The following SDK2 variants were observed in gnomAD, a reference collection of about 807,000 sequenced individuals.
The protein encoded by SDK2 is sidekick cell adhesion molecule 2.
Under a neutral mutation model 253.9 loss-of-function variants are expected in SDK2, and 105 were observed. The ratio of observed to expected loss-of-function variants is 0.41; its 90% CI spans 0.35 to 0.49. SDK2 has a LOEUF of 0.49. Among genes scored for constraint, SDK2 ranks in the 20% least tolerant of loss-of-function variants. The pLI is 0.06. For missense variants in SDK2, 2,608 were observed against 3,003.0 expected, an observed-to-expected ratio of 0.87 and a Z score of 3.07; for synonymous variants, 1,249 against 1,234.9, an observed-to-expected ratio of 1.01 and a Z score of -0.24.
At chr17:73,588,207 C>CCCCA (rs370190252) in intron 1 of SDK2, among the ~76,000 whole-genome samples, 1 of 142,634 alleles carries the variant, frequency 7.0e-6, no homozygotes, top group African/African-American at 2.7e-5. Flanking sequence ...ACCCCCCCCC[C>CCCCA]TCCCCCGCCA....
At chr17:73,493,276 G>A (rs898077757) in intron 2 of SDK2, among the ~76,000 whole-genome samples, 2 of 152,200 alleles carry the variant, frequency 1.3e-5, no homozygotes, top group African/African-American at 4.8e-5. Context: ...TTTCCTTGTG[G>A]TGGAAATAAA....
intron 1 of SDK2, among the ~76,000 whole-genome samples, chr17:73,628,812 T>C (rs996584554): frequency 6.6e-6 from 1 of 152,168 alleles, no homozygotes; most frequent in Non-Finnish European, 1.5e-5. Context: ...AGAGGAAGTG[T>C]GGCCCCCTTC....
chr17:73,569,494 G>A (rs1304114488), intron 1 of SDK2, among the ~76,000 whole-genome samples: 4 of 151,852 alleles, frequency 2.6e-5, no homozygotes, highest in South Asian at 2.1e-4. Flanking sequence ...CACCGTGCTG[G>A]GCCCCATGTT....
At chr17:73,507,733 G>A (rs976089783) in intron 1 of SDK2, 136 bp from the exon 2 acceptor site, 19 of 931,618 alleles carry the variant, frequency 2.0e-5, no homozygotes, top group South Asian at 3.6e-5. Flanking sequence ...GTGGCTGGGA[G>A]GGACTTGAAC....
intron 39 of SDK2, among the ~76,000 whole-genome samples, chr17:73,359,653 T>A (rs891477417): frequency 6.6e-6 from 1 of 152,172 alleles, no homozygotes; most frequent in African/African-American, 2.4e-5. Context: ...GGCTTCTTTA[T>A]TTCTTTTTTT....
intron 1 of SDK2, among the ~76,000 whole-genome samples, chr17:73,613,570 G>A (rs941478799): frequency 2.0e-5 from 3 of 151,368 alleles, no homozygotes; most frequent in South Asian, 2.1e-4. Flanking sequence ...TTCTGAAATC[G>A]GAGCCACTGT....
At chr17:73,388,770 CTCTCCTTCCT>C (rs1423876633) in intron 29 of SDK2, among the ~76,000 whole-genome samples, 5 of 87,862 alleles carry the variant, frequency 5.7e-5, no homozygotes, top group Non-Finnish European at 8.6e-5. Context: ...CCTTCCCTCC[CTCTCCTTCCT>C]TCCTTCCTTC....
chr17:73,355,174 A>ATATATATATATATATAT, intron 40 of SDK2, among the ~76,000 whole-genome samples: 1 of 47,236 alleles, frequency 2.1e-5, no homozygotes, highest in Non-Finnish European at 3.4e-5. Context: ...ATATATATAT[A>ATATATATATATATATAT]TTTTTTTTTT....
chr17:73,383,907 G>T lies in SDK2; in HGVS notation c.4674C>A (p.Asn1558Lys), dbSNP rs976677346. The T allele has an allele frequency of 7.4e-6, 12 of 1,613,862 alleles. No homozygotes were observed. In the Admixed American group the frequency reaches 1.2e-4, roughly 16 times the overall value. The change falls in exon 33 of 45, where the codon AAC becomes AAA. Residue 1558 changes from asparagine to lysine, a missense_variant. By Grantham distance (94) the Asn-to-Lys change is moderately conservative. Transcript: ENST00000392650. This position sits in a 1 kb window ranked among gnomAD's most constrained non-coding sequence, Gnocchi z 4.3. ...GCTCAGCCCATGTGGCCCCTGGGTT[G>T]TTGATGCCTCGAAGCGTGAAGCCCC... ...GLRGFTLRGI[N>K]NPGATWAELT...
chr17:73,353,225 C>T (rs1018339605), intron 40 of SDK2, among the ~76,000 whole-genome samples: 1 of 152,112 alleles, frequency 6.6e-6, no homozygotes, highest in South Asian at 2.1e-4. Context: ...GAAACAGGCT[C>T]AAGGAATTAG....
intron 32 of SDK2, among the ~76,000 whole-genome samples, chr17:73,385,079 T>C (rs1350373198): frequency 1.3e-5 from 2 of 152,194 alleles, no homozygotes; most frequent in East Asian, 3.8e-4. Context: ...GAGTGGCAGA[T>C]GGCTGAAGGG....
At position 73,338,212 on chromosome 17, in the gene SDK2, T is replaced by G; in HGVS notation, c.*375A>C. The G allele has an allele frequency of 5.5e-6, 2 of 366,790 alleles. No homozygotes were observed. Among genetic ancestry groups the G allele is most frequent in the South Asian group, 2.1e-5 (1 of 47,180 alleles). The allele number at this position is 366,790 out of a possible 1,614,324, so 22.7% of individuals were successfully genotyped here. A position where few individuals can be genotyped will look rare whatever the true frequency, so the allele number is the denominator to read the frequency against. On this transcript the variant is annotated 3_prime_UTR_variant, in exon 45 of 45. Transcript: ENST00000392650. This position sits in a 1 kb window ranked among gnomAD's most constrained non-coding sequence, Gnocchi z 5.0. ...GCAGCTGGCTGGACATCCAGAAGCT[T>G]TTTCTTCCCTCGGCCACGCCTGCCT...
At chr17:73,483,507 GTGT>G (rs1567798772) in intron 2 of SDK2, among the ~76,000 whole-genome samples, 1 of 50,674 alleles carries the variant, frequency 2.0e-5, no homozygotes, top group Non-Finnish European at 4.2e-5. Flanking sequence ...GTGTGTGTGT[GTGT>G]ATGTGTGTGT....
chr17:73,608,009 G>T (rs2143104549), intron 1 of SDK2, among the ~76,000 whole-genome samples: 1 of 152,186 alleles, frequency 6.6e-6, no homozygotes, highest in Admixed American at 6.5e-5. Flanking sequence ...ACCAAGGAAA[G>T]AATGTGGGTC....
intron 3 of SDK2, among the ~76,000 whole-genome samples, chr17:73,468,097 G>A (rs1281472753): frequency 1.3e-5 from 2 of 152,190 alleles, no homozygotes; most frequent in Non-Finnish European, 2.9e-5. Context: ...GCTGGAACAG[G>A]GCAGGAATCC....
rs149459876 is a variant in SDK2 at position 73,477,757 on chromosome 17, C to T, written c.225-5539G>A. The stretch of plus-strand genomic sequence containing the variant: ...GGAGTCCCCTGCCTGGCACATTCCT[C>T]GGCTTCTGACCCCTCAACCTCCCAG... On this transcript the variant is annotated intron_variant, in intron 2 of 44. Coordinates refer to ENST00000392650, the MANE Select transcript of SDK2 (RefSeq NM_001144952.2). Among the ~76,000 whole-genome samples the T allele has an allele frequency of 1.4e-3, 215 of 152,280 alleles. 1 individual carries two copies. The highest frequency in any genetic ancestry group is 4.8e-3 in the African/African-American group (200 of 41,562).
At chr17:73,386,392 C>T in intron 31 of SDK2, 53 bp downstream of exon 31, 2 of 1,311,490 alleles carry the variant, frequency 1.5e-6, no homozygotes, top group Middle Eastern at 3.6e-4. Flanking sequence ...TGCCCCATGC[C>T]CAGGAAGCAG....
intron 36 of SDK2, among the ~76,000 whole-genome samples, chr17:73,368,999 A>G (rs1322935415): frequency 6.7e-6 from 1 of 149,976 alleles, no homozygotes; most frequent in Non-Finnish European, 1.5e-5. Context: ...GTGACAGAGC[A>G]AGACTCCATC....
rs751561374 is a variant in SDK2, at chr17:73,338,866, G to T, written c.6240C>A (p.Asp2080Glu). The change falls in exon 45 of 45, where the codon GAC (aspartate) becomes GAA (glutamate). Residue 2080 changes from aspartate (D) to glutamate (E), a missense_variant. This residue lies in a region of SDK2 where 1,103 missense variants were observed against 1,143.9 expected (regional missense o/e 0.96). Coordinates refer to ENST00000392650, the MANE Select transcript of SDK2 (RefSeq NM_001144952.2). This position sits in a 1 kb window ranked among gnomAD's most constrained non-coding sequence, Gnocchi z 5.0. ...AHSFVNHYISDPTYYNSWRRQ... is the reference protein window; with the variant it reads ...AHSFVNHYISEPTYYNSWRRQ... ...GCCGCCACGAGTTGTAGTATGTGGGGTCACTGATGTAGTGGTTGACAAAGG... is the reference window on the plus strand; with the variant it reads ...GCCGCCACGAGTTGTAGTATGTGGGTTCACTGATGTAGTGGTTGACAAAGG... 6.2e-7 allele frequency: 1 copy of T among 1,614,018 alleles called. No individual in the cohort carries two copies. The highest frequency in any genetic ancestry group is 1.7e-5 in the Admixed American group (1 of 60,014).
Sources: gnomAD v4.1 joint callset for allele counts (sites outside exome capture counted in the v4.1 genomes callset) on GRCh38, gnomAD v4.1.1 for gene constraint, gnomAD v4.1.1 regional missense constraint, Gnocchi (gnomAD v3.1) non-coding constraint, MANE v1.5 for transcripts, NCBI Gene and HGNC (gene_info 2026-07-23, HGNC 2026-07-21) for gene names.